Variants in YIPF7 observed in about 807,000 individuals in gnomAD.
YIPF7 encodes the protein Yip1 domain family member 7, also known as protein YIPF7.
YIPF7 carries 35 observed loss-of-function variants against 27.2 expected under a neutral mutation model. The observed-to-expected ratio is 1.29, with a 90% CI of 0.98 to 1.70. The LOEUF (loss-of-function observed/expected upper bound fraction) is 1.70, where lower values mean the gene tolerates loss of function less well. Among genes scored for constraint, YIPF7 ranks in the 40% most tolerant of loss-of-function variants. The pLI is 0.00. For missense variants in YIPF7, 358 were observed against 303.7 expected (o/e 1.18, Z -1.33); for synonymous variants, 137 against 110.4 (o/e 1.24, Z -1.51).
chr4:44,658,899 G>C (rs1252550044), intron 2 of YIPF7, among the ~76,000 whole-genome samples: 1 of 152,124 alleles, frequency 6.6e-6, no homozygotes. Flanking sequence ...CACCCACTGG[G>C]TCCCTCCCAC....
chr4:44,622,424 G>A lies in YIPF7; in HGVS notation c.761C>T (p.Thr254Ile), dbSNP rs759027158. ...AILYGLFALLTIF is the reference protein window; with the variant it reads ...AILYGLFALLIIF ...CATCTCAAACATTCTTTAGAAAATTGTTAGGAGGGCAAAAAGTCCATAAAG... is the reference window on the plus strand; with the variant it reads ...CATCTCAAACATTCTTTAGAAAATTATTAGGAGGGCAAAAAGTCCATAAAG... The change falls in exon 6 of 6, where the codon ACA becomes ATA. Residue 254 changes from threonine to isoleucine, a missense_variant. Coordinates refer to ENST00000415895, the MANE Select transcript of YIPF7 (RefSeq NM_182592.3). 5.6e-6 allele frequency: 9 copies of A among 1,611,998 alleles called. No individual in the cohort carries two copies. In the African/African-American group the frequency reaches 1.2e-4, roughly 22 times the overall value.
At chr4:44,644,262 T>C (rs1212637424) in intron 2 of YIPF7, among the ~76,000 whole-genome samples, 8 of 152,204 alleles carry the variant, frequency 5.3e-5, no homozygotes, top group Non-Finnish European at 1.2e-4. Context: ...ATCTTTTGGC[T>C]TCCCTGGGCC....
At chr4:44,661,584 T>C (rs1268556963) in intron 1 of YIPF7, among the ~76,000 whole-genome samples, 1 of 152,002 alleles carries the variant, frequency 6.6e-6, no homozygotes, top group Non-Finnish European at 1.5e-5. Context: ...TGTTGCAATA[T>C]GCATTTGTCA....
upstream of YIPF7, among the ~76,000 whole-genome samples, chr4:44,654,826 CT>C (rs1713838973): frequency 6.6e-6 from 1 of 151,956 alleles, no homozygotes; most frequent in African/African-American, 2.4e-5. Context: ...TGCTATCAGC[CT>C]GGTTGAAGTC....
In YIPF7 at chr4:44,661,124, CT is replaced by C. The variant is rs1430407274; in HGVS notation, c.-171-507del. Among the ~76,000 whole-genome samples the C allele has an allele frequency of 2.6e-5, 4 of 152,282 alleles. No homozygotes were observed. The East Asian group carries it at 7.7e-4, about 29-fold the overall frequency. On this transcript the variant is annotated intron_variant, in intron 1 of 2. Coordinates refer to the YIPF7 transcript ENST00000508947. ...TTTGAAAACAGAATAGTTTTCCAAC[CT>C]TAGTCTCTCTTAGCAAAAATTCTCC...
intron 5 of YIPF7, among the ~76,000 whole-genome samples, chr4:44,623,366 A>G (rs1712508402): frequency 6.6e-6 from 1 of 152,198 alleles, no homozygotes; most frequent in Non-Finnish European, 1.5e-5. Context: ...TCTACTGCCC[A>G]GTTTTAAAGC....
At chr4:44,645,554 C>T (rs1468728120) in intron 2 of YIPF7, among the ~76,000 whole-genome samples, 2 of 152,012 alleles carry the variant, frequency 1.3e-5, no homozygotes, top group African/African-American at 4.8e-5. Context: ...GCAGAATATG[C>T]CAAGAAAATG....
intron 1 of YIPF7, among the ~76,000 whole-genome samples, chr4:44,651,132 T>A (rs1713726433): frequency 6.6e-6 from 1 of 152,196 alleles, no homozygotes; most frequent in South Asian, 2.1e-4. Flanking sequence ...TCTAAAGGCA[T>A]CATTAATCAG....
At chr4:44,657,607 G>A (rs550063274) in intron 2 of YIPF7, among the ~76,000 whole-genome samples, 15 of 152,254 alleles carry the variant, frequency 9.9e-5, no homozygotes, top group African/African-American at 2.6e-4. Context: ...TGATAAGGTC[G>A]ATGAGTATGT....
chr4:44,626,318 C>T (rs1199656436), intron 4 of YIPF7, among the ~76,000 whole-genome samples: 1 of 152,208 alleles, frequency 6.6e-6, no homozygotes, highest in African/African-American at 2.4e-5. Context: ...GTTTGCTCCA[C>T]TTGCAAAATA....
intron 2 of YIPF7, among the ~76,000 whole-genome samples, chr4:44,641,398 C>A (rs1713321162): frequency 6.6e-6 from 1 of 152,078 alleles, no homozygotes; most frequent in Admixed American, 6.5e-5. Flanking sequence ...CTTTGCCAAG[C>A]CATAATACCT....
intron 3 of YIPF7, among the ~76,000 whole-genome samples, chr4:44,635,314 A>G (rs1204852797): frequency 6.6e-6 from 1 of 151,974 alleles, no homozygotes; most frequent in Non-Finnish European, 1.5e-5. Flanking sequence ...GGATGGAACA[A>G]CTCCGAAATC....
intron 3 of YIPF7, among the ~76,000 whole-genome samples, chr4:44,634,029 C>A (rs1577735800): frequency 6.6e-6 from 1 of 152,124 alleles, no homozygotes; most frequent in African/African-American, 2.4e-5. Context: ...TTTAACCCAG[C>A]AATCCCACTG....
At chr4:44,624,116 A>C (rs1712537096) in intron 5 of YIPF7, among the ~76,000 whole-genome samples, 1 of 141,296 alleles carries the variant, frequency 7.1e-6, no homozygotes, top group South Asian at 2.2e-4. Context: ...CCCAGGCTGG[A>C]GTGCAGTGGT....
upstream of YIPF7, among the ~76,000 whole-genome samples, chr4:44,653,803 G>C (rs575182973): frequency 1.2e-3 from 178 of 152,058 alleles, no homozygotes; most frequent in Non-Finnish European, 2.2e-3. Flanking sequence ...AGTTCTTTAC[G>C]TGAGAACATA....
In YIPF7 at chr4:44,649,985, T is replaced by G; in HGVS notation, c.116A>C (p.Lys39Thr). The G allele has an allele frequency of 6.8e-7, 1 of 1,472,954 alleles. No homozygotes were observed. The highest frequency in any genetic ancestry group is 9.2e-7 in the Non-Finnish European group (1 of 1,086,108). 91.2% of individuals were successfully genotyped at this position (1,472,954 alleles called of 1,614,324 possible). ...AAAAAGAAAAATATTAAGTACTTAC[T>G]TTCTAGATCCATAAAGATTTCCATA... ...NAYGNLYGSR[K>T]QQAGEQPQPA... is the part of the protein sequence containing the mutation. The change falls in exon 2 of 6, where the codon AAA becomes ACA. Residue 39 changes from lysine to threonine, a missense_variant and splice_region_variant. Transcript: ENST00000415895.
At chr4:44,626,422 G>C in intron 4 of YIPF7, among the ~76,000 whole-genome samples, 1 of 152,098 alleles carries the variant, frequency 6.6e-6, no homozygotes, top group East Asian at 1.9e-4. Context: ...TAGTCCTAAT[G>C]GTATAGGACA....
intron 5 of YIPF7, among the ~76,000 whole-genome samples, chr4:44,623,829 C>G (rs1712523946): frequency 6.6e-6 from 1 of 152,132 alleles, no homozygotes; most frequent in Admixed American, 6.5e-5. Context: ...ATATCCTCAT[C>G]AGGGTTCCTG....
intron 1 of YIPF7, among the ~76,000 whole-genome samples, chr4:44,651,129 G>C (rs1005460138): frequency 6.6e-6 from 1 of 152,018 alleles, no homozygotes; most frequent in Non-Finnish European, 1.5e-5. Context: ...AACTCTAAAG[G>C]CATCATTAAT....
Sources: gnomAD v4.1 joint callset for allele counts (sites outside exome capture counted in the v4.1 genomes callset) on GRCh38, gnomAD v4.1.1 for gene constraint, MANE v1.5 for transcripts, NCBI Gene and HGNC (gene_info 2026-07-23, HGNC 2026-07-21) for gene names.